The following RBPJ variants were observed in gnomAD, a reference collection of about 807,000 sequenced individuals.
RBPJ encodes the protein recombination signal binding protein for immunoglobulin kappa J region, also known as recombining binding protein suppressor of hairless.
In RBPJ, 9 loss-of-function variants were observed where a neutral mutation model predicts 67.8. The ratio of observed to expected loss-of-function variants is 0.13; its 90% CI spans 0.08 to 0.23. RBPJ has a LOEUF of 0.23. Among genes scored for constraint, RBPJ ranks in the 10% least tolerant of loss-of-function variants. The probability of loss-of-function intolerance (pLI) is 1.00; values close to 1 mark genes in which losing one functional copy is unlikely to be tolerated. For synonymous variants in RBPJ, 198 were observed against 203.3 expected (o/e 0.97, Z 0.22); for missense variants, 305 against 595.6 (o/e 0.51, Z 5.08).
At chr4:26,122,371 C>T in the RBPJ span, among the ~76,000 whole-genome samples, 5 of 152,158 alleles carry the variant, frequency 3.3e-5, no homozygotes, top group Admixed American at 6.5e-5. Flanking sequence ...ACAAACAATA[C>T]CAAATTCCAG....
chr4:26,138,834 G>A, the RBPJ span, among the ~76,000 whole-genome samples: 1 of 152,242 alleles, frequency 6.6e-6, no homozygotes, highest in Non-Finnish European at 1.5e-5. Context: ...TGACCTGGGA[G>A]ACAGTATATG....
the RBPJ span, among the ~76,000 whole-genome samples, chr4:26,151,731 A>G: frequency 6.6e-6 from 1 of 152,168 alleles, no homozygotes; most frequent in Non-Finnish European, 1.5e-5. Flanking sequence ...CCATTTTACT[A>G]TCGGTTTAGG....
intron 1 of RBPJ, among the ~76,000 whole-genome samples, chr4:26,296,510 GA>G (rs947602036): frequency 1.3e-5 from 2 of 152,134 alleles, no homozygotes; most frequent in Admixed American, 1.3e-4. Context: ...TTTATTTAAT[GA>G]TTTATTCGCC....
At chr4:26,179,235 G>A (rs1044661339) in intron 1 of RBPJ, among the ~76,000 whole-genome samples, 1 of 151,338 alleles carries the variant, frequency 6.6e-6, no homozygotes, top group Non-Finnish European at 1.5e-5. Flanking sequence ...TTATCTGAGA[G>A]CTGTCATCTT....
chr4:26,237,880 GTT>G (rs10542300), intron 1 of RBPJ, among the ~76,000 whole-genome samples: 42,651 of 151,840 alleles, frequency 0.28, 6,123 homozygotes, highest in African/African-American at 0.34. Context: ...AGTTTGTTTT[GTT>G]TTTTGTTTTG....
At chr4:26,217,930 G>A (rs1049604417) in intron 1 of RBPJ, among the ~76,000 whole-genome samples, 5 of 152,298 alleles carry the variant, frequency 3.3e-5, no homozygotes, top group East Asian at 1.9e-4. Flanking sequence ...GTAAACACTC[G>A]TGGATAAGAA....
intron 2 of RBPJ, among the ~76,000 whole-genome samples, chr4:26,395,426 G>C (rs1280721046): frequency 6.6e-6 from 1 of 152,166 alleles, no homozygotes; most frequent in East Asian, 1.9e-4. Flanking sequence ...TCCAGCTTGG[G>C]TGACAAAGTG....
At chr4:26,325,852 G>T (rs1231529489) in intron 1 of RBPJ, among the ~76,000 whole-genome samples, 4 of 152,134 alleles carry the variant, frequency 2.6e-5, no homozygotes, top group African/African-American at 9.7e-5. Flanking sequence ...AAGACTAAGG[G>T]AATATTCTAA....
intron 4 of RBPJ, among the ~76,000 whole-genome samples, chr4:26,419,604 T>A (rs1734927176): frequency 1.3e-5 from 2 of 152,234 alleles, no homozygotes; most frequent in African/African-American, 4.8e-5. Flanking sequence ...TTAGCTTAAT[T>A]TTAAAGTGGA....
chr4:26,275,197 A>C (rs991049130), intron 1 of RBPJ, among the ~76,000 whole-genome samples: 1 of 152,204 alleles, frequency 6.6e-6, no homozygotes, highest in Admixed American at 6.5e-5. Flanking sequence ...GACGGCATCA[A>C]GGTGTGGAAC....
At chr4:26,349,112 C>T (rs1041679892) in intron 1 of RBPJ, among the ~76,000 whole-genome samples, 1 of 131,330 alleles carries the variant, frequency 7.6e-6, no homozygotes, top group Admixed American at 8.0e-5. Context: ...ACTTGCCAGG[C>T]TCTAGAGTGC....
chr4:26,398,675 G>A (rs1156781517), intron 2 of RBPJ, among the ~76,000 whole-genome samples: 3 of 152,120 alleles, frequency 2.0e-5, no homozygotes, highest in South Asian at 2.1e-4. Flanking sequence ...GTGCAGTGAC[G>A]TAATCTCAGC....
chr4:26,298,050 G>A (rs1206342117), intron 1 of RBPJ, among the ~76,000 whole-genome samples: 1 of 152,028 alleles, frequency 6.6e-6, no homozygotes, highest in South Asian at 2.1e-4. Flanking sequence ...TGTTTCTTCT[G>A]ATTTCCATGA....
At chr4:26,110,270 G>C in the RBPJ span, among the ~76,000 whole-genome samples, 2 of 152,192 alleles carry the variant, frequency 1.3e-5, no homozygotes. This position sits in a 1 kb window ranked among gnomAD's most constrained non-coding sequence, Gnocchi z 4.5. Context: ...TCCAGCATAG[G>C]GGGACAGGAG....
the RBPJ span, among the ~76,000 whole-genome samples, chr4:26,135,585 T>A: frequency 2.0e-5 from 3 of 152,052 alleles, no homozygotes; most frequent in African/African-American, 4.8e-5. Flanking sequence ...ACCTTAGGCC[T>A]GAGGCTCTTT....
At chr4:26,308,425 CT>C (rs1560254845) in intron 1 of RBPJ, among the ~76,000 whole-genome samples, 1 of 152,138 alleles carries the variant, frequency 6.6e-6, no homozygotes, top group African/African-American at 2.4e-5. Flanking sequence ...CCTTAAGAGA[CT>C]TTTTTCTTGC....
chr4:26,242,561 G>A lies in RBPJ; in HGVS notation c.-167+78947G>A, dbSNP rs1719681429. 3.3e-5 allele frequency among the ~76,000 whole-genome samples: 5 copies of A among 152,000 alleles called. No individual in the cohort carries two copies. The South Asian group carries it at 1.0e-3, about 32-fold the overall frequency. On this transcript the variant is annotated intron_variant, in intron 1 of 4. Transcript: ENST00000512351. The stretch of plus-strand genomic sequence containing the variant: ...AAGGTTATAACTATCTCCATACCAA[G>A]ATGCTGTTTGGCCTTTTGGTTGCAT...
At chr4:26,218,055 G>A (rs900032513) in intron 1 of RBPJ, among the ~76,000 whole-genome samples, 3 of 152,070 alleles carry the variant, frequency 2.0e-5, no homozygotes, top group Non-Finnish European at 4.4e-5. Context: ...GATTTTCCAC[G>A]AGCCCCGCAC....
In RBPJ at chr4:26,275,516, G is replaced by A. The variant is rs1057378482; in HGVS notation, c.-166-86930G>A. On this transcript the variant is annotated intron_variant, in intron 1 of 4. Transcript: ENST00000512351. ...AACCCAGGGGGACTATGTGACTCGG[G>A]TGTGGCTAAGCAACATGTCAAGTCA... Among the ~76,000 whole-genome samples the A allele has an allele frequency of 4.6e-5, 7 of 152,212 alleles. 1 individual carries two copies. In the South Asian group the frequency reaches 1.2e-3, roughly 27 times the overall value.
Sources: allele counts gnomAD v4.1 joint callset (sites outside exome capture counted in the v4.1 genomes callset), GRCh38; gene constraint gnomAD v4.1.1; non-coding constraint Gnocchi (gnomAD v3.1); transcripts MANE v1.5; gene names NCBI Gene and HGNC (gene_info 2026-07-23, HGNC 2026-07-21).